Variants in NRXN3 observed in about 807,000 individuals in gnomAD.
NRXN3 encodes neurexin III.
A neutral mutation model predicts 137.6 loss-of-function variants in NRXN3; 32 were observed. The ratio of observed to expected loss-of-function variants is 0.23; its 90% CI spans 0.18 to 0.31. The LOEUF (loss-of-function observed/expected upper bound fraction) is 0.31. NRXN3 is among the 10% of genes least tolerant of loss of function. NRXN3 has a pLI of 1.00. For synonymous variants in NRXN3, 798 were observed against 784.5 expected, an observed-to-expected ratio of 1.02 and a Z score of -0.29; for missense variants, 1,574 against 2,062.5, an observed-to-expected ratio of 0.76 and a Z score of 4.59.
intron 15 of NRXN3, among the ~76,000 whole-genome samples, chr14:79,162,534 C>T (rs779088971): frequency 7.3e-5 from 11 of 151,576 alleles, no homozygotes; most frequent in African/African-American, 1.7e-4. Context: ...AAAAAGTGGG[C>T]GAAGGACATG....
intron 4 of NRXN3, among the ~76,000 whole-genome samples, chr14:78,626,674 G>A (rs1433915566): frequency 2.0e-5 from 3 of 152,176 alleles, no homozygotes; most frequent in Non-Finnish European, 2.9e-5. Context: ...AAGTAGTGAT[G>A]ACATAAAGGA....
chr14:78,952,121 G>A (rs2099388285), intron 10 of NRXN3, among the ~76,000 whole-genome samples: 1 of 152,104 alleles, frequency 6.6e-6, no homozygotes, highest in Non-Finnish European at 1.5e-5. Flanking sequence ...TTCCACACCT[G>A]TTGTAGGAGG....
intron 1 of NRXN3, among the ~76,000 whole-genome samples, chr14:78,196,461 C>T (rs1342487834): frequency 6.6e-6 from 1 of 152,218 alleles, no homozygotes; most frequent in Non-Finnish European, 1.5e-5. Flanking sequence ...GACCCCACTG[C>T]CCTTCTTGTG....
chr14:79,208,612 A>T (rs1264567074), intron 15 of NRXN3, among the ~76,000 whole-genome samples: 1 of 152,196 alleles, frequency 6.6e-6, no homozygotes, highest in African/African-American at 2.4e-5. Flanking sequence ...GTGAGCTCTT[A>T]TTCTGTGGTC....
intron 15 of NRXN3, among the ~76,000 whole-genome samples, chr14:79,054,015 ATGGATGAAGCTGGAAAC>A (rs1459110200): frequency 3.6e-5 from 2 of 55,970 alleles, no homozygotes; most frequent in African/African-American, 2.2e-4. Context: ...TTGTAGTGAC[ATGGATGAAGCTGGAAAC>A]CATCATTCTC....
chr14:79,860,337 T>A (rs1283876305), intron 20 of NRXN3, among the ~76,000 whole-genome samples: 1 of 152,242 alleles, frequency 6.6e-6, no homozygotes, highest in Non-Finnish European at 1.5e-5. Flanking sequence ...AAGCAATGCA[T>A]ACAAATATTA....
At chr14:79,535,385 A>G (rs2097202374) in intron 16 of NRXN3, among the ~76,000 whole-genome samples, 1 of 152,154 alleles carries the variant, frequency 6.6e-6, no homozygotes, top group African/African-American at 2.4e-5. Flanking sequence ...CAAAGCATGG[A>G]TCGGTTGCAG....
chr14:79,404,310 G>C (rs1421506896), intron 15 of NRXN3, among the ~76,000 whole-genome samples: 1 of 152,136 alleles, frequency 6.6e-6, no homozygotes, highest in South Asian at 2.1e-4. Context: ...TTTCAGATTT[G>C]TAATTGTCCT....
At chr14:78,261,665 G>A (rs985140302) in intron 2 of NRXN3, among the ~76,000 whole-genome samples, 35 of 152,162 alleles carry the variant, frequency 2.3e-4, no homozygotes, top group African/African-American at 6.7e-4. Context: ...GCATTTTATT[G>A]CTTTACCCCT....
At chr14:78,766,233 AAAAT>A (rs1256311840) in intron 8 of NRXN3, among the ~76,000 whole-genome samples, 1 of 152,234 alleles carries the variant, frequency 6.6e-6, no homozygotes, top group Non-Finnish European at 1.5e-5. Flanking sequence ...CTTAAAAAGA[AAAAT>A]AAAGAGAAGA....
At chr14:78,203,803 G>GGTGTGTGTGTGTGTGTGTGTGTGTGTGT (rs3059003) in intron 1 of NRXN3, among the ~76,000 whole-genome samples, 6 of 133,950 alleles carry the variant, frequency 4.5e-5, no homozygotes, top group African/African-American at 1.7e-4. Context: ...GATCCTTCCA[G>GGTGTGTGTGTGTGTGTGTGTGTGTGTGT]GTGTGTGTGT....
At chr14:78,311,533 T>G (rs1301712302) in intron 4 of NRXN3, among the ~76,000 whole-genome samples, 1 of 152,160 alleles carries the variant, frequency 6.6e-6, no homozygotes, top group Non-Finnish European at 1.5e-5. Flanking sequence ...ATGAGATTTT[T>G]GTGTGTGTGA....
chr14:79,567,744 A>G (rs1307222466), intron 16 of NRXN3, among the ~76,000 whole-genome samples: 1 of 152,030 alleles, frequency 6.6e-6, no homozygotes, highest in East Asian at 1.9e-4. Context: ...AGCCCTGTAA[A>G]AGTTTTAGAT....
At chr14:79,222,280 A>C (rs2069885390) in intron 15 of NRXN3, among the ~76,000 whole-genome samples, 1 of 152,144 alleles carries the variant, frequency 6.6e-6, no homozygotes, top group East Asian at 1.9e-4. Flanking sequence ...GTTTTTTCTA[A>C]TTCTGTGAAG....
Position 78,752,996 on chromosome 14 carries a change from C to G in NRXN3, c.2044+37857C>G, listed in dbSNP as rs201831508. Among the ~76,000 whole-genome samples, 31 of 152,292 alleles carry G rather than the reference C, an allele frequency of 2.0e-4. No homozygotes were observed. The East Asian group carries it at 5.2e-3, about 26-fold the overall frequency. The stretch of plus-strand genomic sequence containing the variant: ...CTGCAGGCTGAGGGTGTGGTGTACA[C>G]ACTCTGCTGCTTCCCTGGTGACAGC... On this transcript the variant is annotated intron_variant, in intron 8 of 20. Transcript: ENST00000335750.
intron 1 of NRXN3, among the ~76,000 whole-genome samples, chr14:78,176,270 T>C (rs1291901346): frequency 6.6e-6 from 1 of 152,132 alleles, no homozygotes; most frequent in Non-Finnish European, 1.5e-5. Flanking sequence ...TTGAGATCCC[T>C]CTAATATTAG....
chr14:78,430,926 G>T (rs577375971), intron 4 of NRXN3, among the ~76,000 whole-genome samples: 1 of 151,970 alleles, frequency 6.6e-6, no homozygotes, highest in African/African-American at 2.4e-5. Flanking sequence ...ATTCATCCTA[G>T]AGAGTTCTGG....
intron 16 of NRXN3, among the ~76,000 whole-genome samples, chr14:79,479,296 T>G (rs974846628): frequency 1.3e-5 from 2 of 152,096 alleles, no homozygotes; most frequent in Admixed American, 1.3e-4. Flanking sequence ...CCAGGCAGTA[T>G]GTTAGCCATT....
At chr14:79,054,944 A>G (rs1380982395) in intron 15 of NRXN3, among the ~76,000 whole-genome samples, 1 of 152,170 alleles carries the variant, frequency 6.6e-6, no homozygotes, top group Admixed American at 6.5e-5. Context: ...TGCAGGGTTC[A>G]GTTAAAGTGG....
Sources: gnomAD v4.1 joint callset for allele counts (sites outside exome capture counted in the v4.1 genomes callset) on GRCh38, gnomAD v4.1.1 for gene constraint, MANE v1.5 for transcripts, NCBI Gene and HGNC (gene_info 2026-07-23, HGNC 2026-07-21) for gene names.